SLC14A2: variants seen among roughly 807,000 people sequenced by gnomAD.
SLC14A2 encodes urea transporter 2.
Under a neutral mutation model 104.6 loss-of-function variants are expected in SLC14A2, and 91 were observed. The observed-to-expected ratio is 0.87, with a 90% CI of 0.73 to 1.04. SLC14A2 has a LOEUF of 1.04. Ranked by LOEUF, SLC14A2 falls within the 50% of genes least tolerant of loss-of-function variation. The probability of loss-of-function intolerance (pLI) is 0.00; values close to 1 mark genes in which losing one functional copy is unlikely to be tolerated. For missense variants in SLC14A2, 1,189 were observed against 1,156.0 expected (o/e 1.03, Z -0.41); for synonymous variants, 476 against 466.4 (o/e 1.02, Z -0.27).
chr18:45,439,301 T>C (rs1404444708), intron 1 of SLC14A2, among the ~76,000 whole-genome samples: 1 of 152,090 alleles, frequency 6.6e-6, no homozygotes, highest in Non-Finnish European at 1.5e-5. Flanking sequence ...CCAGGCAAAG[T>C]TGCCTGGTTT....
chr18:45,510,122 C>G (rs1420584965), intron 2 of SLC14A2, among the ~76,000 whole-genome samples: 3 of 152,210 alleles, frequency 2.0e-5, no homozygotes, highest in Non-Finnish European at 4.4e-5. Flanking sequence ...CCTCTTTGAG[C>G]CTCCGAGTTC....
At position 45,574,959 on chromosome 18, in the gene SLC14A2, C is replaced by T. The variant is rs567742015; in HGVS notation, c.-34-49672C>T. ...CCTTCAAGTCCTGAAATGTACACAT[C>T]ACCAGTGATATCTATCCTCAGAAAG... On this transcript the variant is annotated intron_variant, in intron 2 of 20. Transcript: ENST00000586448. 1.2e-4 allele frequency among the ~76,000 whole-genome samples: 18 copies of T among 152,334 alleles called. No individual in the cohort carries two copies. The East Asian group carries it at 3.1e-3, about 26-fold the overall frequency.
chr18:45,342,835 T>G (rs2085409684), intron 1 of SLC14A2, among the ~76,000 whole-genome samples: 1 of 152,212 alleles, frequency 6.6e-6, no homozygotes, highest in Non-Finnish European at 1.5e-5. Context: ...TCTCTGAAAC[T>G]TGAGCTCTGT....
chr18:45,541,769 A>T (rs968178970), intron 2 of SLC14A2, among the ~76,000 whole-genome samples: 2 of 152,206 alleles, frequency 1.3e-5, no homozygotes, highest in African/African-American at 4.8e-5. Flanking sequence ...GGCAGGTCAG[A>T]GCCTATGAGG....
At chr18:45,261,813 G>T (rs1412386325) in intron 1 of SLC14A2, among the ~76,000 whole-genome samples, 1 of 152,124 alleles carries the variant, frequency 6.6e-6, no homozygotes. Flanking sequence ...ATCATTGTTG[G>T]ACATTTGGGT....
intron 1 of SLC14A2, among the ~76,000 whole-genome samples, chr18:45,320,070 T>G (rs1216001622): frequency 1.3e-5 from 2 of 152,234 alleles, no homozygotes; most frequent in Non-Finnish European, 2.9e-5. Flanking sequence ...CCTCAGCAGA[T>G]TCACTGAAGT....
Position 45,253,227 on chromosome 18 carries a change from C to T in SLC14A2, c.-125+40036C>T, listed in dbSNP as rs114291303. Among the ~76,000 whole-genome samples the T allele has an allele frequency of 5.0e-3, 764 of 152,226 alleles. 7 individuals carry two copies. The highest frequency in any genetic ancestry group is 0.017 in the African/African-American group (713 of 41,518). ...TCCCAGGTGATGCTGTTGTTGCTGG[C>T]TGGAGGGTAACACTTTGAGAACACT... On this transcript the variant is annotated intron_variant, in intron 1 of 20. Coordinates refer to the SLC14A2 transcript ENST00000586448.
At chr18:45,340,588 T>A (rs1241720651) in intron 1 of SLC14A2, among the ~76,000 whole-genome samples, 1 of 152,244 alleles carries the variant, frequency 6.6e-6, no homozygotes, top group Non-Finnish European at 1.5e-5. Flanking sequence ...AAGGTATATT[T>A]GCTCTGGATC....
At chr18:45,290,332 T>A (rs554487493) in intron 1 of SLC14A2, among the ~76,000 whole-genome samples, 1 of 152,122 alleles carries the variant, frequency 6.6e-6, no homozygotes, top group African/African-American at 2.4e-5. Flanking sequence ...CATTGCAAAA[T>A]TTTTTGTGCC....
intron 1 of SLC14A2, among the ~76,000 whole-genome samples, chr18:45,328,015 G>A (rs1294411119): frequency 6.6e-6 from 1 of 152,100 alleles, no homozygotes; most frequent in Non-Finnish European, 1.5e-5. Flanking sequence ...GAAATATACT[G>A]TCTAGACACT....
At chr18:45,221,475 G>A (rs1385416520) in intron 1 of SLC14A2, among the ~76,000 whole-genome samples, 2 of 152,172 alleles carry the variant, frequency 1.3e-5, no homozygotes, top group Admixed American at 6.5e-5. Context: ...GAATCAGCCG[G>A]TGCTCACTAC....
At chr18:45,403,199 A>G (rs2086115001) in intron 1 of SLC14A2, among the ~76,000 whole-genome samples, 1 of 152,102 alleles carries the variant, frequency 6.6e-6, no homozygotes, top group South Asian at 2.1e-4. Flanking sequence ...ATGAGGAGAG[A>G]TAGATCTTTG....
the SLC14A2 span, among the ~76,000 whole-genome samples, chr18:45,195,389 A>G: frequency 6.6e-6 from 1 of 151,046 alleles, no homozygotes; most frequent in Non-Finnish European, 1.5e-5. Flanking sequence ...TGATTGGGGA[A>G]TAAGAATTTT....
chr18:45,256,726 C>T (rs986951143), intron 1 of SLC14A2, among the ~76,000 whole-genome samples: 1 of 152,214 alleles, frequency 6.6e-6, no homozygotes, highest in Non-Finnish European at 1.5e-5. Context: ...CAATTGATGA[C>T]CAAAATCAGA....
chr18:45,351,689 T>C (rs1296712350), intron 1 of SLC14A2, among the ~76,000 whole-genome samples: 1 of 152,188 alleles, frequency 6.6e-6, no homozygotes, highest in Non-Finnish European at 1.5e-5. Flanking sequence ...CAGTATACTA[T>C]ATTTCCAGCC....
intron 2 of SLC14A2, among the ~76,000 whole-genome samples, chr18:45,502,280 G>A (rs1330039197): frequency 2.0e-5 from 3 of 152,202 alleles, no homozygotes; most frequent in African/African-American, 7.2e-5. Flanking sequence ...ACTCTCGATA[G>A]TCTATTGTTT....
chr18:45,575,341 G>A (rs1311354101), intron 2 of SLC14A2, among the ~76,000 whole-genome samples: 3 of 152,106 alleles, frequency 2.0e-5, no homozygotes, highest in Non-Finnish European at 2.9e-5. Context: ...AGCTGGTGAT[G>A]GAAGGGTCAC....
chr18:45,205,089 T>G, the SLC14A2 span, among the ~76,000 whole-genome samples: 1 of 152,180 alleles, frequency 6.6e-6, no homozygotes, highest in Non-Finnish European at 1.5e-5. Flanking sequence ...GAGCTTCCAC[T>G]TGGTGCTGGA....
chr18:45,584,319 A>C (rs2144368112), intron 2 of SLC14A2, among the ~76,000 whole-genome samples: 1 of 152,312 alleles, frequency 6.6e-6, no homozygotes, highest in Non-Finnish European at 1.5e-5. Context: ...GTTACACTTT[A>C]ACAGAAACTC....
Sources: gnomAD v4.1 joint callset for allele counts (sites outside exome capture counted in the v4.1 genomes callset) on GRCh38, gnomAD v4.1.1 for gene constraint, MANE v1.5 for transcripts, NCBI Gene and HGNC (gene_info 2026-07-23, HGNC 2026-07-21) for gene names.